Variants in SLIT3 observed in about 807,000 individuals in gnomAD.
SLIT3 encodes slit guidance ligand 3, also known as slit homolog 3 protein.
Under a neutral mutation model 184.0 loss-of-function variants are expected in SLIT3, and 68 were observed. That is an observed-to-expected ratio of 0.37 (90% CI 0.30 to 0.45). The LOEUF is 0.45. Ranked by LOEUF, SLIT3 falls within the 20% of genes least tolerant of loss-of-function variation. The probability of loss-of-function intolerance (pLI) is 1.00; values close to 1 mark genes in which losing one functional copy is unlikely to be tolerated. For synonymous variants in SLIT3, 831 were observed against 828.6 expected (o/e 1.00, Z -0.05); for missense variants, 1,707 against 2,026.0 (o/e 0.84, Z 3.02).
At chr5:168,914,184 T>C (rs538524123) in intron 4 of SLIT3, among the ~76,000 whole-genome samples, 122 of 152,368 alleles carry the variant, frequency 8.0e-4, no homozygotes, top group African/African-American at 2.8e-3. Flanking sequence ...TTCCTAGCAG[T>C]GGGACTGCTT....
rs1581035497 is a variant in SLIT3 at position 169,189,547 on chromosome 5, T to G, written c.413+3932A>C. Among the ~76,000 whole-genome samples, 4 of 61,744 alleles carry G rather than the reference T, an allele frequency of 6.5e-5. 1 individual carries two copies. The highest frequency in any genetic ancestry group is 1.2e-4 in the Non-Finnish European group (4 of 32,658). 40.5% of individuals were successfully genotyped at this position (61,744 alleles called of 152,430 possible). ...GATGGGATATATATATATATATATATATATATATATATATATATATATATA... is the reference window on the plus strand; with the variant it reads ...GATGGGATATATATATATATATATAGATATATATATATATATATATATATA... On this transcript the variant is annotated intron_variant, in intron 4 of 35. Transcript: ENST00000519560.
intron 4 of SLIT3, among the ~76,000 whole-genome samples, chr5:169,179,066 G>A (rs1581022961): frequency 6.6e-6 from 1 of 152,152 alleles, no homozygotes; most frequent in Admixed American, 6.5e-5. Context: ...CCAAGCCAGA[G>A]TCTCAGAGTT....
chr5:168,851,450 A>T (rs1393309178), intron 5 of SLIT3, among the ~76,000 whole-genome samples: 4 of 152,192 alleles, frequency 2.6e-5, no homozygotes, highest in Non-Finnish European at 5.9e-5. Context: ...CAAAACAAAC[A>T]AATCCAAAGC....
chr5:168,824,182 C>T (rs1311095600), intron 6 of SLIT3, among the ~76,000 whole-genome samples: 1 of 152,180 alleles, frequency 6.6e-6, no homozygotes, highest in Non-Finnish European at 1.5e-5. Context: ...ACATGATCCA[C>T]CCCGCCTTGG....
chr5:168,831,820 G>A (rs1413756297), intron 6 of SLIT3, among the ~76,000 whole-genome samples: 12 of 152,128 alleles, frequency 7.9e-5, no homozygotes, highest in Admixed American at 7.9e-4. Context: ...GCTTGTCTTT[G>A]GTTCTTTTAT....
chr5:168,933,467 G>A (rs935902991), intron 4 of SLIT3, among the ~76,000 whole-genome samples: 7 of 152,132 alleles, frequency 4.6e-5, no homozygotes, highest in African/African-American at 9.7e-5. Context: ...GCTTGAACCC[G>A]GGAGGCGGAG....
At chr5:169,088,710 C>T (rs887012637) in intron 4 of SLIT3, among the ~76,000 whole-genome samples, 2 of 152,154 alleles carry the variant, frequency 1.3e-5, no homozygotes, top group African/African-American at 2.4e-5. Context: ...ATACCGATTC[C>T]AGGCCCTTCT....
intron 3 of SLIT3, among the ~76,000 whole-genome samples, chr5:169,232,593 G>A (rs1274814432): frequency 6.6e-6 from 1 of 152,144 alleles, no homozygotes; most frequent in East Asian, 1.9e-4. Context: ...ATTTATGAAT[G>A]GCATTAGTAG....
intron 1 of SLIT3, among the ~76,000 whole-genome samples, chr5:169,270,917 G>A (rs1443953357): frequency 2.6e-5 from 4 of 152,068 alleles, no homozygotes; most frequent in African/African-American, 9.7e-5. Flanking sequence ...CCTTAGGTTG[G>A]GTTAAGAACT....
chr5:169,086,284 T>C (rs296008), intron 4 of SLIT3, among the ~76,000 whole-genome samples: 52,202 of 152,110 alleles, frequency 0.34, 9,110 homozygotes, highest in Middle Eastern at 0.45. Flanking sequence ...GCAACCACTA[T>C]TGTAAGTTCT....
At chr5:169,295,096 C>A (rs578074567) in intron 1 of SLIT3, among the ~76,000 whole-genome samples, 6 of 152,174 alleles carry the variant, frequency 3.9e-5, no homozygotes, top group African/African-American at 1.4e-4. Context: ...ACACTATACC[C>A]TTAGGCTGTA....
rs1267463179 is a variant in SLIT3, at chr5:168,750,607, C to T, written c.1974-972G>A. ...GTTCCCTGAATGCTTTGGGACTCTGCCCTTCTGGGCATCTTAGGTGTCTTT... is the reference window on the plus strand; with the variant it reads ...GTTCCCTGAATGCTTTGGGACTCTGTCCTTCTGGGCATCTTAGGTGTCTTT... On this transcript the variant is annotated intron_variant, in intron 18 of 35. Coordinates refer to ENST00000519560, the MANE Select transcript of SLIT3 (RefSeq NM_003062.4). Among the ~76,000 whole-genome samples the T allele has an allele frequency of 2.0e-5, 3 of 152,120 alleles. No homozygotes were observed. In the South Asian group the frequency reaches 6.2e-4, roughly 32 times the overall value.
rs918214874 is a variant in SLIT3, at chr5:168,748,430, G to T, written c.2142C>A (p.Asn714Lys). 2 of 1,523,410 alleles carry T rather than the reference G, an allele frequency of 1.3e-6. No homozygotes were observed. Among genetic ancestry groups the T allele is most frequent in the Non-Finnish European group, 1.7e-6 (2 of 1,148,070 alleles). 94.4% of individuals were successfully genotyped at this position (1,523,410 alleles called of 1,614,324 possible). ...VAIQDFTCDG[N>K]EESSCQLSPR... ...GGCTCAGCTGGCAGCTACTCTCCTC[G>T]TTGCCTGTGGAGAGCCCCAGAGAGG... Residue 714 changes from asparagine to lysine, a missense_variant, in exon 20 of 36, where the codon AAC (asparagine) becomes AAA (lysine). Around this residue, in one of 3 missense-constraint regions of SLIT3, gnomAD observed 1,307 missense variants for 1,511.6 expected, o/e 0.86. Coordinates refer to ENST00000519560, the MANE Select transcript of SLIT3 (RefSeq NM_003062.4).
chr5:169,202,590 A>G (rs1763936271), intron 3 of SLIT3, among the ~76,000 whole-genome samples: 1 of 152,180 alleles, frequency 6.6e-6, no homozygotes, highest in South Asian at 2.1e-4. Flanking sequence ...AGGATGCCCA[A>G]TAATCCCAGC....
At chr5:168,771,860 G>A (rs571179976) in intron 14 of SLIT3, among the ~76,000 whole-genome samples, 1 of 152,318 alleles carries the variant, frequency 6.6e-6, no homozygotes, top group Admixed American at 6.5e-5. Flanking sequence ...GCCTGCATCA[G>A]AAGCTCCTGG....
intron 4 of SLIT3, among the ~76,000 whole-genome samples, chr5:169,191,476 A>T (rs756662731): frequency 2.6e-5 from 4 of 152,204 alleles, no homozygotes; most frequent in African/African-American, 7.2e-5. Context: ...TTATAAAGAC[A>T]GGAATTGTAG....
intron 4 of SLIT3, among the ~76,000 whole-genome samples, chr5:169,156,031 C>A (rs539949524): frequency 6.6e-6 from 1 of 152,246 alleles, no homozygotes; most frequent in Non-Finnish European, 1.5e-5. Context: ...AAAGGTTCCA[C>A]AGAAAGTTAT....
Position 168,749,545 on chromosome 5 carries a change from A to G in SLIT3, c.2064T>C (p.Pro688=). The G allele has an allele frequency of 6.2e-7, 1 of 1,614,144 alleles. No individual in the cohort carries two copies. Among genetic ancestry groups the G allele is most frequent in the South Asian group, 1.1e-5 (1 of 91,084 alleles). ...LRKRRIVSGN[P]RCQKPFFLKE... is the part of the protein sequence containing the mutation. ...TGAGGAAAAATGGCTTCTGGCACCT[A>G]GGGTTCCCACTGACGATCCGCCTCT... Residue 688 remains proline (P), a synonymous_variant, in exon 19 of 36, where the codon CCT becomes CCC. Coordinates refer to ENST00000519560, the MANE Select transcript of SLIT3 (RefSeq NM_003062.4).
At chr5:169,107,880 G>T (rs1354184549) in intron 4 of SLIT3, among the ~76,000 whole-genome samples, 2 of 152,156 alleles carry the variant, frequency 1.3e-5, no homozygotes, top group Admixed American at 6.5e-5. Context: ...CCTTTTAATT[G>T]CAGCTTGAGA....
Sources: allele counts gnomAD v4.1 joint callset (sites outside exome capture counted in the v4.1 genomes callset), GRCh38; gene constraint gnomAD v4.1.1; regional missense constraint gnomAD v4.1.1; transcripts MANE v1.5; gene names NCBI Gene and HGNC (gene_info 2026-07-23, HGNC 2026-07-21).